Variants in SNTG2 observed in about 807,000 individuals in gnomAD.
SNTG2 encodes gamma-2-syntrophin.
In SNTG2, 74 loss-of-function variants were observed where a neutral mutation model predicts 70.9. That is an observed-to-expected ratio of 1.04 (90% CI 0.86 to 1.27). SNTG2 has a LOEUF of 1.27. Ranked by LOEUF, SNTG2 falls within the 50% of genes most tolerant of loss-of-function variation. SNTG2 has a pLI of 0.00. For missense variants in SNTG2, 717 were observed against 690.7 expected, an observed-to-expected ratio of 1.04 and a Z score of -0.43; for synonymous variants, 278 against 273.8, an observed-to-expected ratio of 1.02 and a Z score of -0.15.
chr2:1,197,437 C>A (rs112930712), intron 8 of SNTG2, among the ~76,000 whole-genome samples: 2,069 of 130,914 alleles, frequency 0.016, 56 homozygotes, highest in African/African-American at 0.052. Flanking sequence ...ATTCTAAATA[C>A]ACATGCACCC....
At chr2:1,225,388 G>GTA (rs1344377981) in intron 9 of SNTG2, among the ~76,000 whole-genome samples, 2 of 152,158 alleles carry the variant, frequency 1.3e-5, no homozygotes, top group Non-Finnish European at 2.9e-5. Context: ...ATTTAAAGAC[G>GTA]TATGCAGGAG....
At chr2:1,004,481 T>C (rs2147990840) in intron 1 of SNTG2, among the ~76,000 whole-genome samples, 1 of 152,314 alleles carries the variant, frequency 6.6e-6, no homozygotes. Flanking sequence ...TACAAAACCT[T>C]GAAGAACCCA....
rs540541184 is a variant in SNTG2, at chr2:1,099,842, T to C, written c.325+1432T>C. Among the ~76,000 whole-genome samples, 22 of 152,302 alleles carry C rather than the reference T, an allele frequency of 1.4e-4. No individual in the cohort carries two copies. In the East Asian group the frequency reaches 4.2e-3, roughly 29 times the overall value. ...AGAATGCGTTGCCATGAAATTTGCA[T>C]CCGGGTAAAGATTCTTTTTCGGCAG... On this transcript the variant is annotated intron_variant, in intron 4 of 16. Transcript: ENST00000308624.
chr2:1,336,465 A>G (rs1460440905), intron 16 of SNTG2, among the ~76,000 whole-genome samples: 2 of 152,118 alleles, frequency 1.3e-5, no homozygotes, highest in African/African-American at 2.4e-5. Flanking sequence ...GTTTAGTTCA[A>G]TGGACTTTAA....
At chr2:1,102,838 G>C (rs1665866798) in intron 4 of SNTG2, 1 of 152,404 alleles carries the variant, frequency 6.6e-6, no homozygotes. Flanking sequence ...ACAGCCCAAG[G>C]CTGGACACTT....
At chr2:1,283,102 G>C (rs1168468779) in intron 14 of SNTG2, among the ~76,000 whole-genome samples, 1 of 152,136 alleles carries the variant, frequency 6.6e-6, no homozygotes. Flanking sequence ...AGGGTTTGCA[G>C]AGCCTGGCTG....
At chr2:1,011,755 T>C (rs1352899085) in intron 1 of SNTG2, among the ~76,000 whole-genome samples, 1 of 150,214 alleles carries the variant, frequency 6.7e-6, no homozygotes, top group Non-Finnish European at 1.5e-5. Flanking sequence ...ATCATTTTCA[T>C]TGGACTTTAA....
chr2:1,238,647 A>T (rs968810870), intron 10 of SNTG2, among the ~76,000 whole-genome samples: 1 of 152,330 alleles, frequency 6.6e-6, no homozygotes, highest in South Asian at 2.1e-4. Context: ...GGACTCGGAC[A>T]TGGAGCCGTG....
At chr2:1,060,556 A>G (rs550695135) in intron 1 of SNTG2, among the ~76,000 whole-genome samples, 1 of 152,320 alleles carries the variant, frequency 6.6e-6, no homozygotes, top group Admixed American at 6.5e-5. Context: ...TGGCTCCAGC[A>G]TTGTGTTAAG....
intron 14 of SNTG2, among the ~76,000 whole-genome samples, chr2:1,271,671 T>C (rs972180267): frequency 4.6e-5 from 7 of 152,052 alleles, no homozygotes; most frequent in African/African-American, 1.7e-4. Context: ...CTCCCAGTCA[T>C]AAGATGCTTG....
intron 1 of SNTG2, among the ~76,000 whole-genome samples, chr2:974,544 C>T (rs1317386795): frequency 1.3e-5 from 2 of 152,186 alleles, no homozygotes; most frequent in African/African-American, 2.4e-5. Context: ...CTCCCTGCCT[C>T]AGTCTTTGCT....
intron 15 of SNTG2, among the ~76,000 whole-genome samples, chr2:1,309,081 AC>A (rs1680851662): frequency 6.6e-6 from 1 of 152,220 alleles, no homozygotes; most frequent in South Asian, 2.1e-4. Context: ...AGGACAATCC[AC>A]TGTTTTGTCA....
At chr2:1,044,966 CTTAT>C (rs1661647518) in intron 1 of SNTG2, among the ~76,000 whole-genome samples, 2 of 151,582 alleles carry the variant, frequency 1.3e-5, no homozygotes, top group African/African-American at 4.8e-5. Flanking sequence ...GGTACCAGCT[CTTAT>C]TTATACATCT....
intron 7 of SNTG2, among the ~76,000 whole-genome samples, chr2:1,166,740 C>T (rs116783937): frequency 6.6e-6 from 1 of 152,182 alleles, no homozygotes; most frequent in Non-Finnish European, 1.5e-5. Flanking sequence ...ACCACCCTGG[C>T]CTACCACGCC....
chr2:1,360,262 TCCCAGCATCTGGAGG>T (rs56385881), intron 16 of SNTG2, among the ~76,000 whole-genome samples: 109,626 of 151,942 alleles, frequency 0.72, 39,858 homozygotes, highest in East Asian at 0.94. Flanking sequence ...TTCTTGGCTT[TCCCAGCATCTGGAGG>T]CTTTGCCCTT....
intron 1 of SNTG2, among the ~76,000 whole-genome samples, chr2:967,366 G>A (rs1660601522): frequency 6.6e-6 from 1 of 152,180 alleles, no homozygotes; most frequent in African/African-American, 2.4e-5. Flanking sequence ...CTTTAGAGAT[G>A]CTTTTTTTTG....
rs114209145 is a variant in SNTG2, at chr2:969,064, T to C, written c.72+17996T>C. Among the ~76,000 whole-genome samples, 878 of 152,330 alleles carry C rather than the reference T, an allele frequency of 5.8e-3. 11 individuals carry two copies. The highest frequency in any genetic ancestry group is 0.019 in the African/African-American group (793 of 41,574). ...GTATATGGTGAAAGGAGGGGTCCAG[T>C]TTCAATCTTCTCCATATGGCAAGTC... On this transcript the variant is annotated intron_variant, in intron 1 of 16. Coordinates refer to ENST00000308624, the MANE Select transcript of SNTG2 (RefSeq NM_018968.4).
chr2:1,147,418 T>C (rs28658151), intron 6 of SNTG2, among the ~76,000 whole-genome samples: 133,766 of 152,188 alleles, frequency 0.88, 59,094 homozygotes, highest in Non-Finnish European at 0.94. Flanking sequence ...GGCAGAAAAA[T>C]GTGAAAAGCC....
At chr2:1,311,205 G>A (rs13383827) in intron 15 of SNTG2, among the ~76,000 whole-genome samples, 15,794 of 152,234 alleles carry the variant, frequency 0.1, 998 homozygotes, top group South Asian at 0.15. Flanking sequence ...CAATGAAGAC[G>A]TCTTTTTGCT....
Sources: gnomAD v4.1 joint callset for allele counts (sites outside exome capture counted in the v4.1 genomes callset) on GRCh38, gnomAD v4.1.1 for gene constraint, MANE v1.5 for transcripts, NCBI Gene and HGNC (gene_info 2026-07-23, HGNC 2026-07-21) for gene names.